Variants in CDH13 observed in about 807,000 individuals in gnomAD.
The protein encoded by CDH13 is cadherin-13.
A neutral mutation model predicts 63.8 loss-of-function variants in CDH13; 24 were observed. The observed-to-expected ratio is 0.38, with a 90% confidence interval of 0.27 to 0.53. The LOEUF is 0.53. Among genes scored for constraint, CDH13 ranks in the 20% least tolerant of loss-of-function variants. The pLI, the probability that CDH13 is intolerant of heterozygous loss-of-function variation, is 0.85. For missense variants in CDH13, 1,049 were observed against 903.1 expected, an observed-to-expected ratio of 1.16 and a Z score of -2.07; for synonymous variants, 503 against 355.3, an observed-to-expected ratio of 1.42 and a Z score of -4.67.
At chr16:83,750,265 C>T (rs1480627261) in intron 11 of CDH13, among the ~76,000 whole-genome samples, 6 of 151,992 alleles carry the variant, frequency 3.9e-5, no homozygotes, top group African/African-American at 1.2e-4. Context: ...CACTGCACTC[C>T]AGCCGGGGTG....
chr16:83,589,197 A>G (rs936765348), intron 7 of CDH13, among the ~76,000 whole-genome samples: 2 of 151,884 alleles, frequency 1.3e-5, no homozygotes, highest in African/African-American at 4.8e-5. Context: ...CTTAAGGCCA[A>G]CAGTGTAATG....
chr16:82,874,477 A>G (rs574381229), intron 2 of CDH13, among the ~76,000 whole-genome samples: 46 of 151,676 alleles, frequency 3.0e-4, no homozygotes, highest in African/African-American at 8.9e-4. Flanking sequence ...GTGCTGCACC[A>G]GCTTTTTTCT....
chr16:83,655,986 A>G (rs918540881), intron 8 of CDH13, among the ~76,000 whole-genome samples: 3 of 152,164 alleles, frequency 2.0e-5, no homozygotes, highest in Admixed American at 1.3e-4. Context: ...AGGCCTATTC[A>G]GCACATATTC....
intron 3 of CDH13, among the ~76,000 whole-genome samples, chr16:83,064,544 A>G (rs2031844361): frequency 1.3e-5 from 2 of 152,218 alleles, no homozygotes; most frequent in Non-Finnish European, 2.9e-5. Flanking sequence ...CTTTAACCTG[A>G]TTATTATATA....
chr16:82,809,068 G>C (rs968082992), intron 1 of CDH13, among the ~76,000 whole-genome samples: 2 of 152,064 alleles, frequency 1.3e-5, no homozygotes, highest in East Asian at 1.9e-4. Context: ...ATATGTGTTT[G>C]TATATCAGTG....
chr16:83,015,677 GTATATA>G (rs71148803), intron 2 of CDH13, among the ~76,000 whole-genome samples: 1,238 of 37,544 alleles, frequency 0.033, 38 homozygotes, highest in African/African-American at 0.086. Flanking sequence ...GTGTGTGTAT[GTATATA>G]TATATATATA....
chr16:82,958,560 G>C (rs1026033049), intron 2 of CDH13, among the ~76,000 whole-genome samples: 1 of 152,216 alleles, frequency 6.6e-6, no homozygotes, highest in Non-Finnish European at 1.5e-5. Flanking sequence ...TTGAGAGGAA[G>C]ACAATGAGTA....
At chr16:83,772,635 C>G (rs1445621933) in intron 11 of CDH13, among the ~76,000 whole-genome samples, 1 of 152,266 alleles carries the variant, frequency 6.6e-6, no homozygotes, top group African/African-American at 2.4e-5. Flanking sequence ...TAAAATCAAG[C>G]CATGTTTAAA....
chr16:83,431,815 C>T (rs1023961483), intron 6 of CDH13, among the ~76,000 whole-genome samples: 1 of 152,164 alleles, frequency 6.6e-6, no homozygotes, highest in Non-Finnish European at 1.5e-5. Context: ...TAATCGCCTC[C>T]CGCCAGGCCC....
At chr16:83,201,213 T>C (rs58701823) in intron 4 of CDH13, among the ~76,000 whole-genome samples, 10,742 of 152,166 alleles carry the variant, frequency 0.071, 1,225 homozygotes, top group African/African-American at 0.24. Flanking sequence ...TTAAAAAATA[T>C]TTGAGTTTCT....
chr16:82,937,427 A>C (rs1567677142), intron 2 of CDH13, among the ~76,000 whole-genome samples: 1 of 127,038 alleles, frequency 7.9e-6, no homozygotes, highest in African/African-American at 4.5e-5. Flanking sequence ...ATGCACACAC[A>C]CACACACACA....
intron 3 of CDH13, among the ~76,000 whole-genome samples, chr16:83,061,383 C>A (rs546293437): frequency 1.3e-5 from 2 of 152,180 alleles, no homozygotes; most frequent in South Asian, 4.1e-4. Flanking sequence ...TTCCCAGCAT[C>A]ATGGTTTATG....
intron 1 of CDH13, among the ~76,000 whole-genome samples, chr16:82,784,139 A>T (rs1222118982): frequency 6.6e-6 from 1 of 152,114 alleles, no homozygotes; most frequent in East Asian, 1.9e-4. Context: ...GTTTAACAGA[A>T]CAGATGTTCT....
intron 1 of CDH13, among the ~76,000 whole-genome samples, chr16:82,642,006 C>T (rs1377528799): frequency 6.6e-6 from 1 of 151,598 alleles, no homozygotes; most frequent in Non-Finnish European, 1.5e-5. Flanking sequence ...CATCTGCTTC[C>T]CAAACCCAGT....
intron 6 of CDH13, among the ~76,000 whole-genome samples, chr16:83,391,922 T>C (rs780016949): frequency 9.2e-5 from 14 of 152,002 alleles, no homozygotes; most frequent in Non-Finnish European, 1.8e-4. Flanking sequence ...ATAAACAAGA[T>C]TTTTTTTCTC....
chr16:82,709,176 C>G (rs1011521319), intron 1 of CDH13, among the ~76,000 whole-genome samples: 1 of 152,174 alleles, frequency 6.6e-6, no homozygotes, highest in Non-Finnish European at 1.5e-5. Context: ...TTTGAATACG[C>G]CCTTAGCAGT....
chr16:83,433,942 TGGG>T (rs889524026), intron 6 of CDH13, among the ~76,000 whole-genome samples: 1 of 152,066 alleles, frequency 6.6e-6, no homozygotes, highest in Non-Finnish European at 1.5e-5. Context: ...TCCTTTGCGT[TGGG>T]GGGGAATCAA....
chr16:83,015,673 G>GTGTGTGTA (rs1220935113), intron 2 of CDH13, among the ~76,000 whole-genome samples: 1 of 39,996 alleles, frequency 2.5e-5, no homozygotes, highest in Non-Finnish European at 5.1e-5. Context: ...GTGTGTGTGT[G>GTGTGTGTA]TATGTATATA....
intron 3 of CDH13, among the ~76,000 whole-genome samples, chr16:83,045,504 G>A (rs778799900): frequency 2.6e-5 from 4 of 151,918 alleles, no homozygotes; most frequent in Admixed American, 6.6e-5. Flanking sequence ...AGGCGTGGTG[G>A]CAGGTGCCTG....
Sources: gnomAD v4.1 joint callset for allele counts (sites outside exome capture counted in the v4.1 genomes callset) on GRCh38, gnomAD v4.1.1 for gene constraint, MANE v1.5 for transcripts, NCBI Gene and HGNC (gene_info 2026-07-23, HGNC 2026-07-21) for gene names.